PHF20: variants seen among roughly 807,000 people sequenced by gnomAD.
The protein encoded by PHF20 is glioma-expressed antigen 2.
A neutral mutation model predicts 113.5 loss-of-function variants in PHF20; 23 were observed. That is an observed-to-expected ratio of 0.20 (90% CI 0.15 to 0.29). The LOEUF (loss-of-function observed/expected upper bound fraction) is 0.29. Among genes scored for constraint, PHF20 ranks in the 10% least tolerant of loss-of-function variants. The pLI, the probability that PHF20 is intolerant of heterozygous loss-of-function variation, is 1.00. For synonymous variants in PHF20, 434 were observed against 457.3 expected, an observed-to-expected ratio of 0.95 and a Z score of 0.65; for missense variants, 943 against 1,219.6, an observed-to-expected ratio of 0.77 and a Z score of 3.38.
intron 9 of PHF20, among the ~76,000 whole-genome samples, chr20:35,882,022 T>A (rs1460314870): frequency 1.3e-5 from 2 of 152,260 alleles, no homozygotes; most frequent in African/African-American, 2.4e-5. Flanking sequence ...ATTAGAATAA[T>A]TTTTAAATGT....
chr20:35,845,495 A>G, intron 3 of PHF20: 1 of 227,328 alleles, frequency 4.4e-6, no homozygotes, highest in Non-Finnish European at 9.5e-6. Flanking sequence ...CCTCCTGAGT[A>G]CCTGGGACTA....
At chr20:35,900,944 G>A (rs2055083907) in intron 10 of PHF20, among the ~76,000 whole-genome samples, 1 of 152,158 alleles carries the variant, frequency 6.6e-6, no homozygotes, top group Non-Finnish European at 1.5e-5. Context: ...TTGAGGTCAG[G>A]ACAGTAGTTA....
At chr20:35,875,626 A>G (rs1456662315) in intron 9 of PHF20, among the ~76,000 whole-genome samples, 2 of 152,088 alleles carry the variant, frequency 1.3e-5, no homozygotes, top group Admixed American at 1.3e-4. Flanking sequence ...ACTAAAGTTC[A>G]TATGTAAATG....
rs1330351222 is a variant in PHF20, at chr20:35,940,909, G to T, written c.2758G>T (p.Ala920Ser). 2.5e-6 allele frequency: 4 copies of T among 1,614,044 alleles called. No individual in the cohort carries two copies. Among genetic ancestry groups the T allele is most frequent in the Non-Finnish European group, 3.4e-6 (4 of 1,180,016 alleles). Residue 920 changes from alanine (A) to serine (S), a missense_variant, in exon 17 of 18, where the codon GCT becomes TCT. Physicochemically the swap from Ala to Ser is moderately conservative, Grantham distance 99. Transcript: ENST00000374012. ...AAAGGCCCTACCAGAAGAAGCCCCT[G>T]CTCGGAAGCTGCTGGACAGAGGTGG... ...SKKALPEEAP[A>S]RKLLDRGGEG...
intron 1 of PHF20, among the ~76,000 whole-genome samples, chr20:35,772,469 A>AT (rs376835855): frequency 2.6e-4 from 40 of 152,232 alleles, no homozygotes; most frequent in African/African-American, 8.7e-4. Context: ...AGCCTCTGCT[A>AT]TTGCCTTGCG....
At chr20:35,920,693 G>A (rs2055494839) in intron 13 of PHF20, among the ~76,000 whole-genome samples, 1 of 152,136 alleles carries the variant, frequency 6.6e-6, no homozygotes, top group Middle Eastern at 3.2e-3. Flanking sequence ...CATCTAGCCT[G>A]GCTGACCAAC....
intron 16 of PHF20, 125 bp downstream of exon 16, chr20:35,939,233 A>G: frequency 8.3e-7 from 1 of 1,205,418 alleles, no homozygotes; most frequent in Non-Finnish European, 1.1e-6. Context: ...CTTACCATAG[A>G]TATGTTTTGG....
Position 35,948,748 on chromosome 20 carries a change from G to C in PHF20, c.*1121G>C, listed in dbSNP as rs2147144447. The C allele has an allele frequency of 6.5e-6, 1 of 152,684 alleles. No homozygotes were observed. The allele number at this position is 152,684 out of a possible 1,614,324, so 9.5% of individuals were successfully genotyped here. ...GCAGGTTACGGTTCCACATGTAATT[G>C]CTATATTTTGTTTTGTTTTTCCTTA... is the stretch of plus-strand genomic sequence containing the variant. On this transcript the variant is annotated 3_prime_UTR_variant, in exon 18 of 18. Transcript: ENST00000374012.
chr20:35,847,525 GTATT>G (rs1224196781), intron 4 of PHF20, 91 bp downstream of exon 4: 68 of 806,372 alleles, frequency 8.4e-5, no homozygotes, highest in Non-Finnish European at 1.3e-4. Flanking sequence ...TATATTTTCA[GTATT>G]TATTTACTGC....
At chr20:35,927,706 C>A in intron 13 of PHF20, 74 bp from the exon 14 acceptor site, 1 of 1,125,164 alleles carries the variant, frequency 8.9e-7, no homozygotes, top group Non-Finnish European at 1.4e-6. Context: ...CCCCTCCCCT[C>A]AGCAGGTGGG....
chr20:35,791,723 C>G (rs1463397245), intron 1 of PHF20, among the ~76,000 whole-genome samples: 1 of 151,682 alleles, frequency 6.6e-6, no homozygotes, highest in Non-Finnish European at 1.5e-5. Flanking sequence ...AAGATTAGAA[C>G]TGATGCAGGG....
At chr20:35,859,847 C>G (rs897020134) in intron 5 of PHF20, among the ~76,000 whole-genome samples, 1 of 151,980 alleles carries the variant, frequency 6.6e-6, no homozygotes, top group African/African-American at 2.4e-5. Flanking sequence ...GCCTGGCCCT[C>G]TGTTGTGTCT....
Position 35,914,027 on chromosome 20 carries a change from T to C in PHF20, c.1661-6T>C. The C allele has an allele frequency of 6.2e-7, 1 of 1,613,950 alleles. No individual in the cohort carries two copies. The highest frequency in any genetic ancestry group is 8.5e-7 in the Non-Finnish European group (1 of 1,179,884). Reference sequence around the variant, plus strand: ...TATTCATTCCTTCCTGATCCTGTTCTTCCAGAATGCCCCTGCAGTGAGGAG... The same window carrying C: ...TATTCATTCCTTCCTGATCCTGTTCCTCCAGAATGCCCCTGCAGTGAGGAG... On this transcript the variant is annotated splice_polypyrimidine_tract_variant and splice_region_variant and intron_variant, in intron 11 of 17. Coordinates refer to ENST00000374012, the MANE Select transcript of PHF20 (RefSeq NM_016436.5).
In PHF20 at chr20:35,809,227, G is replaced by A. The variant is rs374102470; in HGVS notation, c.83+7622G>A. On this transcript the variant is annotated intron_variant, in intron 2 of 17. Coordinates refer to ENST00000374012, the MANE Select transcript of PHF20 (RefSeq NM_016436.5). Reference sequence around the variant, plus strand: ...GACGCCATTGTACTCCAGCCTGGGCGACAGAGCAAAGCTCTGTCTTGGAAG... The same window carrying A: ...GACGCCATTGTACTCCAGCCTGGGCAACAGAGCAAAGCTCTGTCTTGGAAG... Among the ~76,000 whole-genome samples the A allele has an allele frequency of 1.1e-4, 17 of 151,460 alleles. No individual in the cohort carries two copies. In the East Asian group the frequency reaches 2.0e-3, roughly 18 times the overall value.
rs770493098 is a variant in PHF20, at chr20:35,938,876, C to T, written c.2480C>T (p.Pro827Leu). 5 of 1,614,070 alleles carry T rather than the reference C, an allele frequency of 3.1e-6. No individual in the cohort carries two copies. The highest frequency in any genetic ancestry group is 2.7e-5 in the African/African-American group (2 of 74,942). Reference sequence around the variant, plus strand: ...CCCAGGCCCCTGGCCCTGCCCCTGCCGCGTTCTGTGGAGGAATCCTATATC... The same window carrying T: ...CCCAGGCCCCTGGCCCTGCCCCTGCTGCGTTCTGTGGAGGAATCCTATATC... ...EKPRPLALPL[P>L]RSVEESYITS... is the part of the protein sequence containing the mutation. The change falls in exon 16 of 18, where the codon CCG becomes CTG. Residue 827 changes from proline (P) to leucine (L), a missense_variant. Pro to Leu is a moderately conservative substitution (Grantham distance 98). Around this residue, in one of 3 missense-constraint regions of PHF20, gnomAD observed 349 missense variants for 412.3 expected, o/e 0.85. Coordinates refer to ENST00000374012, the MANE Select transcript of PHF20 (RefSeq NM_016436.5).
chr20:35,809,274 C>T (rs187543647), intron 2 of PHF20, among the ~76,000 whole-genome samples: 37 of 151,326 alleles, frequency 2.4e-4, no homozygotes, highest in African/African-American at 8.2e-4. Flanking sequence ...AAAGTTTCAA[C>T]TTAACATTTA....
chr20:35,796,956 T>C (rs1291206485), intron 1 of PHF20, among the ~76,000 whole-genome samples: 1 of 152,164 alleles, frequency 6.6e-6, no homozygotes, highest in Non-Finnish European at 1.5e-5. Flanking sequence ...GTTGTGAAGA[T>C]CCAGTAAATA....
At chr20:35,908,240 G>A (rs8125393) in intron 10 of PHF20, among the ~76,000 whole-genome samples, 1 of 152,134 alleles carries the variant, frequency 6.6e-6, no homozygotes, top group South Asian at 2.1e-4. Flanking sequence ...ATTTCTGCCT[G>A]TTGTCACCTT....
At chr20:35,866,403 AC>A (rs922518278) in intron 6 of PHF20, among the ~76,000 whole-genome samples, 5 of 152,098 alleles carry the variant, frequency 3.3e-5, no homozygotes, top group African/African-American at 1.2e-4. Flanking sequence ...CTAGCTGTAT[AC>A]CACCCTTAGG....
Sources: allele counts gnomAD v4.1 joint callset (sites outside exome capture counted in the v4.1 genomes callset), GRCh38; gene constraint gnomAD v4.1.1; regional missense constraint gnomAD v4.1.1; transcripts MANE v1.5; gene names NCBI Gene and HGNC (gene_info 2026-07-23, HGNC 2026-07-21).